The following CCDC158 variants were observed in gnomAD, a reference collection of about 807,000 sequenced individuals.
CCDC158 encodes the protein coiled-coil domain containing 158, also known as coiled-coil domain-containing protein 158.
In CCDC158, 116 loss-of-function variants were observed where a neutral mutation model predicts 138.6. The observed-to-expected ratio is 0.84, with a 90% CI of 0.72 to 0.98. The LOEUF (loss-of-function observed/expected upper bound fraction) is 0.98, where lower values mean the gene tolerates loss of function less well. Among genes scored for constraint, CCDC158 ranks in the 50% least tolerant of loss-of-function variants. The pLI, the probability that CCDC158 is intolerant of heterozygous loss-of-function variation, is 0.00. For missense variants in CCDC158, 1,265 were observed against 1,306.1 expected (o/e 0.97, Z 0.48); for synonymous variants, 436 against 442.4 (o/e 0.99, Z 0.18).
chr4:76,376,040 C>T (rs1443501188), intron 9 of CCDC158, among the ~76,000 whole-genome samples: 2 of 151,574 alleles, frequency 1.3e-5, no homozygotes, highest in South Asian at 2.1e-4. Flanking sequence ...TATTAGTTTC[C>T]TTTCACACAA....
intron 10 of CCDC158, among the ~76,000 whole-genome samples, chr4:76,370,319 A>G (rs1474485895): frequency 6.6e-6 from 1 of 152,150 alleles, no homozygotes; most frequent in Non-Finnish European, 1.5e-5. Flanking sequence ...TTTGAGTTAG[A>G]CCTGAAGATG....
intron 4 of CCDC158, among the ~76,000 whole-genome samples, chr4:76,388,175 CCTT>C (rs1287139301): frequency 1.3e-5 from 2 of 152,102 alleles, no homozygotes; most frequent in African/African-American, 2.4e-5. Context: ...GTGAAAGACT[CCTT>C]CTGTTTGAGA....
At chr4:76,421,677 A>ACCCC (rs200787190), upstream of CCDC158, 1 of 40,242 alleles carries the variant, frequency 2.5e-5, no homozygotes. Flanking sequence ...GCCCCACCTC[A>ACCCC]CCCCCCCCTC....
chr4:76,377,694 T>C (rs1023640277), intron 9 of CCDC158, among the ~76,000 whole-genome samples: 4 of 152,200 alleles, frequency 2.6e-5, no homozygotes, highest in Admixed American at 2.0e-4. Flanking sequence ...AAAGCGTGTG[T>C]TCCTCTCTGA....
chr4:76,365,742 G>C (rs7654450), intron 12 of CCDC158, among the ~76,000 whole-genome samples: 44,677 of 152,030 alleles, frequency 0.29, 7,891 homozygotes, highest in East Asian at 0.71. Context: ...AGGACCAGCA[G>C]TATCCACGTC....
intron 4 of CCDC158, among the ~76,000 whole-genome samples, chr4:76,385,707 G>GA (rs1344840788): frequency 6.6e-6 from 1 of 151,728 alleles, no homozygotes; most frequent in Non-Finnish European, 1.5e-5. Context: ...AACGGCCAAA[G>GA]AAAAAAACGC....
intron 18 of CCDC158, 86 bp from the exon 19 acceptor site, chr4:76,334,253 G>T: frequency 7.8e-7 from 1 of 1,281,096 alleles, no homozygotes. Context: ...CTGGTAAACA[G>T]AAATTATGGA....
chr4:76,356,951 C>T (rs1723629324), intron 14 of CCDC158, among the ~76,000 whole-genome samples: 1 of 152,098 alleles, frequency 6.6e-6, no homozygotes, highest in South Asian at 2.1e-4. Context: ...TTCCAGGATT[C>T]CTTCCCATTT....
rs545225492 is a variant in CCDC158 at position 76,352,021 on chromosome 4, G to T, written c.2446-209C>A. The stretch of plus-strand genomic sequence containing the variant: ...TATCCTCTATACCCCCAGCAAATAC[G>T]TAACTTTTAGTATGTGAAGGGCAAA... On this transcript the variant is annotated intron_variant, in intron 16 of 24. Transcript: ENST00000682701. 1.2e-5 allele frequency: 5 copies of T among 424,374 alleles called. No homozygotes were observed. The South Asian group carries it at 1.5e-4, about 13-fold the overall frequency. The allele number at this position is 424,374 out of a possible 1,614,324, so 26.3% of individuals were successfully genotyped here.
chr4:76,414,090 G>A (rs1359864487), intron 1 of CCDC158, among the ~76,000 whole-genome samples: 3 of 152,066 alleles, frequency 2.0e-5, no homozygotes, highest in Non-Finnish European at 4.4e-5. Context: ...TGTATTTTTA[G>A]TAGAGACGGG....
At position 76,369,527 on chromosome 4, in the gene CCDC158, G is replaced by A. The variant is rs770791617; in HGVS notation, c.1246C>T (p.His416Tyr). The change falls in exon 11 of 25, where the codon CAC becomes TAC. Residue 416 changes from histidine (H) to tyrosine (Y), a missense_variant. Transcript: ENST00000682701. Reference protein sequence around the residue: ...RDTGNSITIDHLRRELDNRNM... With the variant: ...RDTGNSITIDYLRRELDNRNM... ...CGGTTGTCCAGTTCCCGCCGCAGGTGGTCAATGGTGATGCTGTTGCCTGTG... is the reference window on the plus strand; with the variant it reads ...CGGTTGTCCAGTTCCCGCCGCAGGTAGTCAATGGTGATGCTGTTGCCTGTG... The A allele has an allele frequency of 1.2e-6, 2 of 1,614,138 alleles. No individual in the cohort carries two copies. The highest frequency in any genetic ancestry group is 1.7e-6 in the Non-Finnish European group (2 of 1,180,010).
chr4:76,413,419 G>A (rs192184648), intron 1 of CCDC158, among the ~76,000 whole-genome samples: 1 of 148,604 alleles, frequency 6.7e-6, no homozygotes, highest in East Asian at 2.0e-4. Flanking sequence ...AGGCTGCAGT[G>A]AGCCGTGATC....
chr4:76,367,666 G>A lies in CCDC158; in HGVS notation c.1458C>T (p.Ala486=), dbSNP rs1301906577. The change falls in exon 12 of 25, where the codon GCC becomes GCT. Residue 486 remains alanine (A), a synonymous_variant. Coordinates refer to ENST00000682701, the MANE Select transcript of CCDC158 (RefSeq NM_001394954.1). ...MLRKVVEELT[A]KKMTLESSER... ...CTGAGCTCTCCAGAGTCATTTTCTT[G>A]GCTGTCAACTCTTCTACTACTTTGC... The A allele has an allele frequency of 6.2e-7, 1 of 1,614,086 alleles. No individual in the cohort carries two copies.
chr4:76,367,607 T>C lies in CCDC158; in HGVS notation c.1517A>G (p.Gln506Arg), dbSNP rs536613133. The change falls in exon 12 of 25, where the codon CAG becomes CGG. Residue 506 changes from glutamine (Q) to arginine (R), a missense_variant. Coordinates refer to ENST00000682701, the MANE Select transcript of CCDC158 (RefSeq NM_001394954.1). ...AGCCTCGATGGCTCTCTCTTTTTCC[T>C]GGAGAGAAGTTGTCAGGTCCGATAT... The part of the protein sequence containing the change: ...RTISDLTTSL[Q>R]EKERAIEATN... 3 of 1,614,212 alleles carry C rather than the reference T, an allele frequency of 1.9e-6. No homozygotes were observed. Among genetic ancestry groups the C allele is most frequent in the Non-Finnish European group, 2.5e-6 (3 of 1,180,030 alleles).
At chr4:76,367,133 GTATT>G (rs10589465) in intron 12 of CCDC158, among the ~76,000 whole-genome samples, 157 bp downstream of exon 12, 40,367 of 151,844 alleles carry the variant, frequency 0.27, 6,450 homozygotes, top group East Asian at 0.7. Context: ...TCTGATAAAA[GTATT>G]TATCCTTTCT....
Position 76,323,429 on chromosome 4 carries a change from A to T in CCDC158, c.3170-20T>A. The T allele has an allele frequency of 1.3e-6, 2 of 1,551,116 alleles. No individual in the cohort carries two copies. The highest frequency in any genetic ancestry group is 2.3e-5 in the South Asian group (2 of 85,584). On this transcript the variant is annotated intron_variant, in intron 23 of 24. Coordinates refer to ENST00000682701, the MANE Select transcript of CCDC158 (RefSeq NM_001394954.1). Reference sequence around the variant, plus strand: ...GTGAATCTATTAGAAAATTGCTTAGATGTGATATTAAAAGTCTACTCAACA... The same window carrying T: ...GTGAATCTATTAGAAAATTGCTTAGTTGTGATATTAAAAGTCTACTCAACA...
intron 5 of CCDC158, 57 bp downstream of exon 5, chr4:76,384,499 A>G: frequency 3.2e-6 from 5 of 1,563,574 alleles, no homozygotes; most frequent in Non-Finnish European, 4.4e-6. Flanking sequence ...GTAAAACTTT[A>G]AAATAATTTC....
Position 76,405,584 on chromosome 4 carries a change from T to C in CCDC158, c.-73-2304A>G, listed in dbSNP as rs139620284. On this transcript the variant is annotated intron_variant, in intron 2 of 24. Coordinates refer to ENST00000682701, the MANE Select transcript of CCDC158 (RefSeq NM_001394954.1). Reference sequence around the variant, plus strand: ...AATATTTAAATACTCAATTATAGAGTTGAGAAAAACAAAGGTGAGGTAATG... The same window carrying C: ...AATATTTAAATACTCAATTATAGAGCTGAGAAAAACAAAGGTGAGGTAATG... Among the ~76,000 whole-genome samples, 372 of 151,632 alleles carry C rather than the reference T, an allele frequency of 2.5e-3. 2 individuals are homozygous for C. Among genetic ancestry groups the C allele is most frequent in the Non-Finnish European group, 3.8e-3 (259 of 67,868 alleles).
intron 18 of CCDC158, among the ~76,000 whole-genome samples, chr4:76,341,000 A>G (rs1433836064): frequency 2.0e-5 from 3 of 152,098 alleles, no homozygotes; most frequent in Non-Finnish European, 4.4e-5. Flanking sequence ...GAAGAATACA[A>G]GCTTATACAA....
Sources: allele counts gnomAD v4.1 joint callset (sites outside exome capture counted in the v4.1 genomes callset), GRCh38; gene constraint gnomAD v4.1.1; transcripts MANE v1.5; gene names NCBI Gene and HGNC (gene_info 2026-07-23, HGNC 2026-07-21).